Variants in SUGCT observed in about 807,000 individuals in gnomAD.
SUGCT encodes succinyl-CoA:glutarate-CoA transferase, also known as succinyl-CoA:glutarate CoA-transferase.
SUGCT carries 41 observed loss-of-function variants against 55.0 expected under a neutral mutation model. The observed-to-expected ratio is 0.74, with a 90% CI of 0.58 to 0.97. The LOEUF (loss-of-function observed/expected upper bound fraction) is 0.97, where lower values mean the gene tolerates loss of function less well. Among genes scored for constraint, SUGCT ranks in the 50% least tolerant of loss-of-function variants. SUGCT has a pLI of 0.00. For missense variants in SUGCT, 568 were observed against 547.8 expected (o/e 1.04, Z -0.37); for synonymous variants, 187 against 200.4 (o/e 0.93, Z 0.56).
Position 40,439,064 on chromosome 7 carries a change from GTATATATA to G in SUGCT, c.817-10183_817-10176del, listed in dbSNP as rs1183426693. The stretch of plus-strand genomic sequence containing the variant: ...TATATATATATGGTATATATATGGT[GTATATATA>G]TATATATATATATATATATATATAT... On this transcript the variant is annotated intron_variant, in intron 9 of 13. Transcript: ENST00000335693. 4.8e-3 allele frequency among the ~76,000 whole-genome samples: 130 copies of G among 27,176 alleles called. 10 individuals are homozygous for G. The South Asian group carries it at 0.065, about 13-fold the overall frequency. The allele number at this position is 27,176 out of a possible 152,430, so 17.8% of individuals were successfully genotyped here.
chr7:40,188,536 G>A lies in SUGCT; in HGVS notation c.268G>A (p.Gly90Arg). 6.2e-7 allele frequency: 1 copy of A among 1,608,006 alleles called. No homozygotes were observed. Among genetic ancestry groups the A allele is most frequent in the Middle Eastern group, 1.7e-4 (1 of 6,036 alleles). ...ACGAACTTGGGGGCCACCTTTTGTT[G>A]GGACAGAAAGTACATATTATCTCAG... ...DTRTWGPPFVGTESTYYLSVN... is the reference protein window; with the variant it reads ...DTRTWGPPFVRTESTYYLSVN... Residue 90 changes from glycine to arginine, a missense_variant, in exon 4 of 14, where the codon GGG becomes AGG. Transcript: ENST00000335693.
At chr7:40,230,128 G>C (rs765676355) in intron 6 of SUGCT, among the ~76,000 whole-genome samples, 1 of 152,132 alleles carries the variant, frequency 6.6e-6, no homozygotes, top group Admixed American at 6.6e-5. Flanking sequence ...TTTGAAACCT[G>C]CTTCTTTCTT....
chr7:40,412,128 C>T (rs1307809899), intron 9 of SUGCT, among the ~76,000 whole-genome samples: 1 of 152,148 alleles, frequency 6.6e-6, no homozygotes, highest in Non-Finnish European at 1.5e-5. Context: ...AAGTCAGAGG[C>T]TGCCAGGGTG....
At chr7:40,845,914 T>C (rs6952818) in intron 13 of SUGCT, among the ~76,000 whole-genome samples, 33,601 of 152,060 alleles carry the variant, frequency 0.22, 4,823 homozygotes, top group East Asian at 0.8. Flanking sequence ...TATTAAATTC[T>C]GAAAGACTAG....
intron 1 of SUGCT, among the ~76,000 whole-genome samples, chr7:40,150,355 C>T (rs1788494707): frequency 6.6e-6 from 1 of 152,164 alleles, no homozygotes; most frequent in Admixed American, 6.5e-5. Context: ...CCCCAGTCCT[C>T]ACCAAGTTAT....
the SUGCT span, among the ~76,000 whole-genome samples, chr7:40,896,445 C>T: frequency 6.6e-6 from 1 of 152,128 alleles, no homozygotes; most frequent in South Asian, 2.1e-4. Context: ...TCTTGAATTG[C>T]AGTTCCCACA....
At chr7:40,539,433 G>T (rs1158146306) in intron 12 of SUGCT, 1 of 152,194 alleles carries the variant, frequency 6.6e-6, no homozygotes. Flanking sequence ...CAGAATTCAT[G>T]CTGTGTAGTC....
the SUGCT span, among the ~76,000 whole-genome samples, chr7:40,882,353 G>A: frequency 6.6e-6 from 1 of 152,114 alleles, no homozygotes; most frequent in South Asian, 2.1e-4. Flanking sequence ...TCCACTGGTT[G>A]GATTTCTTTA....
the SUGCT span, among the ~76,000 whole-genome samples, chr7:41,017,358 G>T: frequency 6.6e-6 from 1 of 152,154 alleles, no homozygotes; most frequent in Admixed American, 6.5e-5. Context: ...TGAAAACAAG[G>T]CCACATGGCA....
intron 12 of SUGCT, among the ~76,000 whole-genome samples, chr7:40,645,602 A>G (rs1262332901): frequency 6.6e-6 from 1 of 152,142 alleles, no homozygotes; most frequent in Non-Finnish European, 1.5e-5. Flanking sequence ...ATTTAAATAC[A>G]CGCTCATGGT....
intron 8 of SUGCT, among the ~76,000 whole-genome samples, chr7:40,283,527 C>T (rs1415847119): frequency 1.6e-4 from 24 of 152,090 alleles, no homozygotes; most frequent in Non-Finnish European, 8.8e-5. Context: ...CCGCGCCTGG[C>T]CAGACGTTTC....
intron 9 of SUGCT, among the ~76,000 whole-genome samples, chr7:40,345,630 A>C (rs762196284): frequency 1.3e-4 from 20 of 151,834 alleles, no homozygotes; most frequent in Admixed American, 7.2e-4. Flanking sequence ...GTTGTTTTGC[A>C]ATTTTTATTT....
the SUGCT span, among the ~76,000 whole-genome samples, chr7:40,987,622 T>A: frequency 6.6e-6 from 1 of 152,144 alleles, no homozygotes; most frequent in Non-Finnish European, 1.5e-5. Context: ...GTGAAAAACA[T>A]CTGGGTTTTA....
At chr7:40,380,254 G>T (rs1784804125) in intron 9 of SUGCT, among the ~76,000 whole-genome samples, 2 of 152,124 alleles carry the variant, frequency 1.3e-5, no homozygotes, top group African/African-American at 4.8e-5. Flanking sequence ...TGCAGAGATG[G>T]GAATAGGGCA....
intron 12 of SUGCT, among the ~76,000 whole-genome samples, chr7:40,637,440 G>A (rs1374294253): frequency 6.6e-6 from 1 of 152,258 alleles, no homozygotes; most frequent in Non-Finnish European, 1.5e-5. Flanking sequence ...TCTAAAGGAA[G>A]AAAGAAGTGT....
At chr7:40,459,461 G>C (rs896255652) in intron 11 of SUGCT, among the ~76,000 whole-genome samples, 1 of 152,040 alleles carries the variant, frequency 6.6e-6, no homozygotes, top group African/African-American at 2.4e-5. Flanking sequence ...CTTGAATTTG[G>C]TTGTTTCTCT....
At chr7:40,372,103 T>G (rs1449597024) in intron 9 of SUGCT, among the ~76,000 whole-genome samples, 2 of 146,186 alleles carry the variant, frequency 1.4e-5, no homozygotes, top group African/African-American at 2.5e-5. Flanking sequence ...TGGTTTGAGG[T>G]TTTTTTTTTA....
intron 12 of SUGCT, among the ~76,000 whole-genome samples, chr7:40,655,549 G>A (rs1800976485): frequency 2.0e-5 from 3 of 152,178 alleles, no homozygotes; most frequent in African/African-American, 7.2e-5. Flanking sequence ...AACCTTGAGT[G>A]TTATGGAGGC....
At chr7:40,332,303 G>A (rs765624325) in intron 9 of SUGCT, among the ~76,000 whole-genome samples, 13 of 152,136 alleles carry the variant, frequency 8.5e-5, no homozygotes, top group Non-Finnish European at 1.5e-4. Context: ...GAAGAATGAT[G>A]GAGATTCTGA....
Sources: allele counts gnomAD v4.1 joint callset (sites outside exome capture counted in the v4.1 genomes callset), GRCh38; gene constraint gnomAD v4.1.1; transcripts MANE v1.5; gene names NCBI Gene and HGNC (gene_info 2026-07-23, HGNC 2026-07-21).